SYNE2: variants seen among roughly 807,000 people sequenced by gnomAD.
SYNE2 encodes nesprin-2.
Under a neutral mutation model 856.3 loss-of-function variants are expected in SYNE2, and 431 were observed. The observed-to-expected ratio is 0.50, with a 90% confidence interval of 0.47 to 0.55. The LOEUF is 0.55. SYNE2 is among the 20% of genes least tolerant of loss of function. SYNE2 has a pLI of 0.00. For synonymous variants in SYNE2, 2,923 were observed against 2,872.3 expected, an observed-to-expected ratio of 1.02 and a Z score of -0.56; for missense variants, 8,129 against 8,023.2, an observed-to-expected ratio of 1.01 and a Z score of -0.50.
At chr14:63,818,140 T>C (rs1318973495) in intron 1 of SYNE2, among the ~76,000 whole-genome samples, 1 of 150,642 alleles carries the variant, frequency 6.6e-6, no homozygotes, top group Non-Finnish European at 1.5e-5. Context: ...GGTCAGGAGA[T>C]CCTGGCCAAC....
intron 1 of SYNE2, among the ~76,000 whole-genome samples, chr14:63,826,298 C>T (rs115826420): frequency 0.014 from 2,052 of 151,910 alleles, 54 homozygotes; most frequent in African/African-American, 0.047. Context: ...AGTAGAAAAA[C>T]AATAGTCTTT....
chr14:63,915,573 C>T (rs1423850246), intron 2 of SYNE2, among the ~76,000 whole-genome samples: 1 of 152,208 alleles, frequency 6.6e-6, no homozygotes, highest in African/African-American at 2.4e-5. Flanking sequence ...CAGGAGTTAA[C>T]TTGCAAGCAG....
rs113466728 is a variant in SYNE2 at position 63,815,681 on chromosome 14, A to G, written c.-304-36820A>G. Among the ~76,000 whole-genome samples, 194 of 152,210 alleles carry G rather than the reference A, an allele frequency of 1.3e-3. 2 individuals carry two copies. Among genetic ancestry groups the G allele is most frequent in the African/African-American group, 4.4e-3 (183 of 41,542 alleles). ...TTTTCCCAAAGCTCTGCAAGTTTATATCAAGTGGAAAACTTGATATAAACT... is the reference window on the plus strand; with the variant it reads ...TTTTCCCAAAGCTCTGCAAGTTTATGTCAAGTGGAAAACTTGATATAAACT... On this transcript the variant is annotated intron_variant, in intron 1 of 23. Transcript: ENST00000674003.
intron 1 of SYNE2, among the ~76,000 whole-genome samples, chr14:63,803,877 G>A (rs1888257658): frequency 6.6e-6 from 1 of 152,220 alleles, no homozygotes; most frequent in East Asian, 1.9e-4. Flanking sequence ...CCTTTGTGTT[G>A]AGGGAGAGAT....
In SYNE2 at chr14:64,184,914, A is replaced by G. The variant is rs190556870; in HGVS notation, c.17557-1510A>G. On this transcript the variant is annotated intron_variant, in intron 96 of 115. Coordinates refer to ENST00000555002, the MANE Select transcript of SYNE2 (RefSeq NM_182914.3). ...GTAGCTTTTAGAACTCTGAAAATCAATCAGAATTAACATATTGTTAGGGCC... is the reference window on the plus strand; with the variant it reads ...GTAGCTTTTAGAACTCTGAAAATCAGTCAGAATTAACATATTGTTAGGGCC... 4.5e-4 allele frequency among the ~76,000 whole-genome samples: 69 copies of G among 152,370 alleles called. No homozygotes were observed. The South Asian group carries it at 6.0e-3, about 13-fold the overall frequency.
chr14:63,968,575 T>C (rs1303724408), intron 11 of SYNE2, among the ~76,000 whole-genome samples: 1 of 152,172 alleles, frequency 6.6e-6, no homozygotes, highest in African/African-American at 2.4e-5. Context: ...TCCTTTTCAA[T>C]TTATTGAGAC....
At chr14:63,815,285 T>A (rs1888931885) in intron 1 of SYNE2, among the ~76,000 whole-genome samples, 1 of 88,990 alleles carries the variant, frequency 1.1e-5, no homozygotes, top group African/African-American at 3.4e-5. Context: ...TGTATTAAAC[T>A]CACAGGATCA....
chr14:63,842,147 TTTC>T (rs1157204860), intron 1 of SYNE2, among the ~76,000 whole-genome samples: 2 of 151,406 alleles, frequency 1.3e-5, no homozygotes, highest in African/African-American at 2.4e-5. Context: ...TTTGCCCATT[TTTC>T]TTCTTCTTTT....
rs74187746 is a variant in SYNE2 at position 63,948,706 on chromosome 14, G to GTA, written c.409-1109_409-1108dup. Among the ~76,000 whole-genome samples the GTA allele has an allele frequency of 1.8e-3, 153 of 83,298 alleles. 1 individual carries two copies. Among genetic ancestry groups the GTA allele is most frequent in the Admixed American group, 2.7e-3 (18 of 6,730 alleles). 54.6% of individuals were successfully genotyped at this position (83,298 alleles called of 152,430 possible). Reference sequence around the variant, plus strand: ...TATATGTGTGTATATATATATATATGTATATATATATGTGTGTATATATAT... The same window carrying GTA: ...TATATGTGTGTATATATATATATATGTATATATATATATGTGTGTATATATAT... On this transcript the variant is annotated intron_variant, in intron 6 of 115. Transcript: ENST00000555002.
At chr14:63,989,349 T>A (rs559311785) in intron 19 of SYNE2, among the ~76,000 whole-genome samples, 1 of 152,160 alleles carries the variant, frequency 6.6e-6, no homozygotes, top group Admixed American at 6.5e-5. Flanking sequence ...TATTTTATTA[T>A]TTTTTTGAGA....
intron 1 of SYNE2, among the ~76,000 whole-genome samples, chr14:63,871,872 A>T (rs1408441857): frequency 6.6e-6 from 1 of 152,226 alleles, no homozygotes; most frequent in East Asian, 1.9e-4. Context: ...ATAAATGATT[A>T]TACAGTAAGT....
At chr14:63,805,049 G>T (rs1888306408) in intron 1 of SYNE2, among the ~76,000 whole-genome samples, 1 of 152,142 alleles carries the variant, frequency 6.6e-6, no homozygotes, top group African/African-American at 2.4e-5. Flanking sequence ...TCAAATGATT[G>T]TAGGTGTGCA....
intron 88 of SYNE2, chr14:64,162,481 A>C (rs2098337051): frequency 3.1e-6 from 2 of 636,430 alleles, no homozygotes; most frequent in Non-Finnish European, 5.7e-6. Flanking sequence ...TAGCTGGATC[A>C]GGGGGACTCG....
rs761151177 is a variant in SYNE2 at position 64,056,121 on chromosome 14, G to A, written c.9922G>A (p.Ala3308Thr). ...ACAAGAGGAATTGGAATCCACAGTAGCACACATCCAGGACCTCACTGAGAA... is the reference window on the plus strand; with the variant it reads ...ACAAGAGGAATTGGAATCCACAGTAACACACATCCAGGACCTCACTGAGAA... Reference protein sequence around the residue: ...RKQEELESTVAHIQDLTEKLG... With the variant: ...RKQEELESTVTHIQDLTEKLG... The change falls in exon 49 of 116, where the codon GCA becomes ACA. Residue 3308 changes from alanine to threonine, a missense_variant. Ala to Thr is a moderately conservative substitution (Grantham distance 58). Transcript: ENST00000555002. 3.7e-6 allele frequency: 6 copies of A among 1,613,970 alleles called. No homozygotes were observed. The African/African-American group carries it at 4.0e-5, about 11-fold the overall frequency.
chr14:64,062,214 G>A (rs577080493), intron 49 of SYNE2, among the ~76,000 whole-genome samples: 25 of 152,040 alleles, frequency 1.6e-4, no homozygotes, highest in African/African-American at 5.1e-4. Flanking sequence ...TATTGTATAC[G>A]ATGAATTGTT....
At chr14:64,183,943 G>C (rs547853257) in intron 96 of SYNE2, among the ~76,000 whole-genome samples, 33 of 126,590 alleles carry the variant, frequency 2.6e-4, no homozygotes, top group African/African-American at 9.3e-4. Flanking sequence ...AGAGGGAGAC[G>C]TGGAAAGAAG....
chr14:64,108,561 A>C (rs370253878), intron 65 of SYNE2, among the ~76,000 whole-genome samples: 1 of 152,158 alleles, frequency 6.6e-6, no homozygotes, highest in Non-Finnish European at 1.5e-5. Context: ...GGTCTCATCA[A>C]ATAGCTCCTA....
chr14:64,180,100 C>A (rs2098451173), intron 96 of SYNE2, among the ~76,000 whole-genome samples: 1 of 152,160 alleles, frequency 6.6e-6, no homozygotes, highest in African/African-American at 2.4e-5. Context: ...TATGGATAGC[C>A]AGTTGTCTTG....
intron 85 of SYNE2, among the ~76,000 whole-genome samples, chr14:64,153,684 T>C (rs189975172): frequency 1.8e-4 from 27 of 152,030 alleles, no homozygotes; most frequent in African/African-American, 5.3e-4. Context: ...AACAAGAAAA[T>C]AAATGAATCC....
Sources: allele counts gnomAD v4.1 joint callset (sites outside exome capture counted in the v4.1 genomes callset), GRCh38; gene constraint gnomAD v4.1.1; transcripts MANE v1.5; gene names NCBI Gene and HGNC (gene_info 2026-07-23, HGNC 2026-07-21).